SYNPO2L: variants seen among roughly 807,000 people sequenced by gnomAD.
The protein encoded by SYNPO2L is synaptopodin 2 like.
Under a neutral mutation model 47.5 loss-of-function variants are expected in SYNPO2L, and 34 were observed. That is an observed-to-expected ratio of 0.72 (90% CI 0.54 to 0.95). SYNPO2L has a LOEUF of 0.95. SYNPO2L is among the 40% of genes least tolerant of loss of function. The pLI, the probability that SYNPO2L is intolerant of heterozygous loss-of-function variation, is 0.00. For missense variants in SYNPO2L, 1,246 were observed against 1,282.0 expected, an observed-to-expected ratio of 0.97 and a Z score of 0.43; for synonymous variants, 536 against 524.9, an observed-to-expected ratio of 1.02 and a Z score of -0.29.
Position 73,646,854 on chromosome 10 carries a change from G to T in SYNPO2L, c.2798C>A (p.Ala933Asp), listed in dbSNP as rs1000630062. 7.1e-6 allele frequency: 11 copies of T among 1,553,962 alleles called. No individual in the cohort carries two copies. Among genetic ancestry groups the T allele is most frequent in the Middle Eastern group, 1.7e-4 (1 of 5,778 alleles). Residue 933 changes from alanine (A) to aspartate (D), a missense_variant, in exon 4 of 4, where the codon GCC becomes GAC. Ala to Asp is a moderately radical substitution (Grantham distance 126). Transcript: ENST00000394810. ...ELASAPVPSP[A>D]PPPEAPRGLG... ...GCCCCTGGGAGCCTCTGGAGGAGGG[G>T]CTGGGCTAGGAACAGGGGCTGAGGC...
intron 3 of SYNPO2L, 111 bp from the exon 4 acceptor site, chr10:73,648,990 AC>A: frequency 7.4e-7 from 1 of 1,347,956 alleles, no homozygotes. Flanking sequence ...CACTGACCCG[AC>A]CCACAATGTC....
chr10:73,655,312 A>C (rs1458416285), intron 1 of SYNPO2L, among the ~76,000 whole-genome samples: 1 of 152,190 alleles, frequency 6.6e-6, no homozygotes, highest in Admixed American at 6.5e-5. Flanking sequence ...CACCTAAAAA[A>C]GTCTTGCCTA....
intron 3 of SYNPO2L, among the ~76,000 whole-genome samples, chr10:73,651,458 G>A (rs2081840777): frequency 6.6e-6 from 1 of 152,126 alleles, no homozygotes. Context: ...AATCAAAATG[G>A]TGGAGGAGAG....
chr10:73,655,638 G>A (rs2132425235), intron 1 of SYNPO2L, among the ~76,000 whole-genome samples, 180 bp downstream of exon 1: 1 of 152,004 alleles, frequency 6.6e-6, no homozygotes, highest in Non-Finnish European at 1.5e-5. Context: ...ACCCCCACAG[G>A]AAGCCTGTGG....
In SYNPO2L at chr10:73,648,306, G is replaced by A. The variant is rs747830556; in HGVS notation, c.1346C>T (p.Pro449Leu). The A allele has an allele frequency of 2.5e-6, 4 of 1,604,706 alleles. No homozygotes were observed. In the South Asian group the frequency reaches 3.3e-5, roughly 13 times the overall value. Residue 449 changes from proline (P) to leucine (L), a missense_variant, in exon 4 of 4, where the codon CCC (proline) becomes CTC (leucine). By Grantham distance (98) the Pro-to-Leu change is moderately conservative (BLOSUM62 -3). This residue lies in a region of SYNPO2L where 1,037 missense variants were observed against 1,021.5 expected (regional missense o/e 1.02). Coordinates refer to ENST00000394810, the MANE Select transcript of SYNPO2L (RefSeq NM_001114133.3). ...CGGGGCTCCACCACCTGGTTGGAAG[G>A]GTCTGGGGCTGGCTACAGGCGCCGG... The part of the protein sequence containing the change: ...PLPAPVASPR[P>L]FQPGGGAPTP...
Position 73,647,822 on chromosome 10 carries a change from G to C in SYNPO2L, c.1830C>G (p.Arg610=), listed in dbSNP as rs750526493. 3.8e-6 allele frequency: 6 copies of C among 1,590,992 alleles called. No homozygotes were observed. The Admixed American group carries it at 1.0e-4, about 28-fold the overall frequency. ...CAGCTGGCACAGAGATGCGCTGCTC[G>C]CGAGCGCTGGGGGGCTCAGGAGCCC... ...GPGAPEPPSA[R]EQRISVPAAR... is the part of the protein sequence containing the mutation. The change falls in exon 4 of 4, where the codon CGC becomes CGG. Residue 610 remains arginine (R), a synonymous_variant. Transcript: ENST00000394810.
rs767345833 is a variant in SYNPO2L, at chr10:73,646,924, G to C, written c.2728C>G (p.Arg910Gly). Residue 910 changes from arginine to glycine, a missense_variant, in exon 4 of 4, where the codon CGA (arginine) becomes GGA (glycine). Physicochemically the swap from Arg to Gly is moderately radical, Grantham distance 125. Transcript: ENST00000394810. The stretch of plus-strand genomic sequence containing the variant: ...GGCTCATCCAGTGTAGTGGCTGCTC[G>C]GGGGGCAAGCACAGTGGGAGCCAGG... The part of the protein sequence containing the change: ...EPLAPTVLAP[R>G]AATTLDEPIW... 3 of 1,587,978 alleles carry C rather than the reference G, an allele frequency of 1.9e-6. No homozygotes were observed. The highest frequency in any genetic ancestry group is 2.2e-5 in the East Asian group (1 of 44,530).
At chr10:73,649,589 A>T in intron 3 of SYNPO2L, 1 of 457,928 alleles carries the variant, frequency 2.2e-6, no homozygotes, top group Non-Finnish European at 2.9e-6. Context: ...ACCCCAGCTT[A>T]CATACAGCTC....
Position 73,655,832 on chromosome 10 carries a change from AC to A in SYNPO2L, c.90del (p.Leu31TyrfsTer40). The A allele has an allele frequency of 6.4e-7, 1 of 1,550,520 alleles. No individual in the cohort carries two copies. On this transcript the variant is annotated frameshift_variant, in exon 1 of 4. Transcript: ENST00000394810. LOFTEE classifies it high-confidence loss of function. ...CTCTCCCTTACCTTAGACACCTGTA[AC>A]GGTTTCCTCTGCTCGGCCCCCCCAT... is the stretch of plus-strand genomic sequence containing the variant. The part of the protein sequence containing the change: ...RLHGGAEQRK[P>X]LQVSKIRRRS...
intron 3 of SYNPO2L, among the ~76,000 whole-genome samples, chr10:73,649,394 T>C (rs748677010): frequency 6.6e-6 from 1 of 152,188 alleles, no homozygotes; most frequent in Non-Finnish European, 1.5e-5. Flanking sequence ...CCCTATGATA[T>C]GAGCACAAAG....
chr10:73,653,836 G>A (rs1465928448), intron 2 of SYNPO2L, among the ~76,000 whole-genome samples, 183 bp from the exon 3 acceptor site: 1 of 152,126 alleles, frequency 6.6e-6, no homozygotes, highest in Non-Finnish European at 1.5e-5. Context: ...GGAGGCAAAT[G>A]TGCTTGAAGG....
At chr10:73,649,966 G>C in intron 3 of SYNPO2L, 1 of 985,422 alleles carries the variant, frequency 1.0e-6, no homozygotes. Flanking sequence ...TCAGGGGTCA[G>C]AACTGTCTCT....
Position 73,647,473 on chromosome 10 carries a change from G to A in SYNPO2L, c.2179C>T (p.Pro727Ser). 2.5e-6 allele frequency: 4 copies of A among 1,596,382 alleles called. No individual in the cohort carries two copies. Among genetic ancestry groups the A allele is most frequent in the African/African-American group, 2.7e-5 (2 of 74,518 alleles). ...AGGAGCCCTCGAGATGGGGGCTTAG[G>A]AGCCACTGGGGGTGGAGTCTTAGGA... is the stretch of plus-strand genomic sequence containing the variant. ...MTPKTPPPVAPKPPSRGLLDG... is the reference protein window; with the variant it reads ...MTPKTPPPVASKPPSRGLLDG... The change falls in exon 4 of 4, where the codon CCT becomes TCT. Residue 727 changes from proline to serine, a missense_variant. This residue lies in a region of SYNPO2L where 1,037 missense variants were observed against 1,021.5 expected (regional missense o/e 1.02). Transcript: ENST00000394810.
chr10:73,650,968 G>T (rs1288763731), intron 3 of SYNPO2L: 3 of 1,613,734 alleles, frequency 1.9e-6, no homozygotes, highest in Admixed American at 1.7e-5. Context: ...TAGCTGGCTT[G>T]GCTGAGGGGC....
chr10:73,646,072 C>T lies in SYNPO2L; in HGVS notation c.*646G>A. ...ATCTCCTGACCTCGTGATCCGCCCG[C>T]CTCGGCCTCCCAAAGTGCTGGGATT... On this transcript the variant is annotated 3_prime_UTR_variant, in exon 4 of 4. Transcript: ENST00000394810. The T allele has an allele frequency of 1.0e-5, 10 of 983,576 alleles. No individual in the cohort carries two copies. Among genetic ancestry groups the T allele is most frequent in the Non-Finnish European group, 1.2e-5 (10 of 828,264 alleles). The allele number at this position is 983,576 out of a possible 1,614,324, so 60.9% of individuals were successfully genotyped here.
At chr10:73,651,218 G>C (rs1475797506) in intron 3 of SYNPO2L, among the ~76,000 whole-genome samples, 1 of 152,054 alleles carries the variant, frequency 6.6e-6, no homozygotes, top group Non-Finnish European at 1.5e-5. Flanking sequence ...CCCCACCCCA[G>C]TAGACAATGA....
intron 1 of SYNPO2L, among the ~76,000 whole-genome samples, chr10:73,654,834 T>C (rs1340526570): frequency 2.0e-5 from 3 of 147,816 alleles, no homozygotes; most frequent in African/African-American, 7.9e-5. Context: ...AGTAAGACTC[T>C]GTCGCAAAAA....
Position 73,647,594 on chromosome 10 carries a change from G to A in SYNPO2L, c.2058C>T (p.Phe686=), listed in dbSNP as rs758027011. ...AACTCCTGGCCCCTACTGGCTGCAT[G>A]AAGTTGCAGGCTTCAGCCCCGAGGC... is the stretch of plus-strand genomic sequence containing the variant. The part of the protein sequence containing the change: ...ALSLGAEACN[F]MQPVGARSYK... The change falls in exon 4 of 4, where the codon TTC becomes TTT. Residue 686 remains phenylalanine, a synonymous_variant. Coordinates refer to ENST00000394810, the MANE Select transcript of SYNPO2L (RefSeq NM_001114133.3). 7 of 1,613,952 alleles carry A rather than the reference G, an allele frequency of 4.3e-6. No individual in the cohort carries two copies. The highest frequency in any genetic ancestry group is 5.9e-6 in the Non-Finnish European group (7 of 1,179,880).
chr10:73,650,149 G>A (rs1355192900), intron 3 of SYNPO2L: 4 of 985,302 alleles, frequency 4.1e-6, no homozygotes, highest in Non-Finnish European at 4.8e-6. Context: ...TCTGGTCCAT[G>A]GTCCCCAGTT....
Sources: gnomAD v4.1 joint callset for allele counts (sites outside exome capture counted in the v4.1 genomes callset) on GRCh38, gnomAD v4.1.1 for gene constraint, gnomAD v4.1.1 regional missense constraint, MANE v1.5 for transcripts, NCBI Gene and HGNC (gene_info 2026-07-23, HGNC 2026-07-21) for gene names.